The following NTF3 variants were observed in gnomAD, a reference collection of about 807,000 sequenced individuals.
The protein encoded by NTF3 is neurotrophin 3.
Under a neutral mutation model 26.3 loss-of-function variants are expected in NTF3, and 8 were observed. The observed-to-expected ratio is 0.30, with a 90% CI of 0.18 to 0.55. The LOEUF (loss-of-function observed/expected upper bound fraction) is 0.55. NTF3 is among the 20% of genes least tolerant of loss of function. NTF3 has a pLI of 0.93. For synonymous variants in NTF3, 154 were observed against 145.5 expected (o/e 1.06, Z -0.42); for missense variants, 276 against 352.9 (o/e 0.78, Z 1.75).
intron 1 of NTF3, among the ~76,000 whole-genome samples, chr12:5,453,745 T>G (rs1196685802): frequency 6.6e-6 from 1 of 152,156 alleles, no homozygotes; most frequent in East Asian, 1.9e-4. Context: ...CCATCTGTCG[T>G]GAAGGTCTCC....
chr12:5,439,037 A>G (rs958057642), intron 1 of NTF3, among the ~76,000 whole-genome samples: 36 of 152,210 alleles, frequency 2.4e-4, no homozygotes, highest in Admixed American at 1.1e-3. Context: ...TTGGCCAAGA[A>G]TGCTCTAAAC....
chr12:5,494,166 G>A lies in NTF3; in HGVS notation c.19-28G>A. 1 of 1,601,970 alleles carries A rather than the reference G, an allele frequency of 6.2e-7. No homozygotes were observed. The highest frequency in any genetic ancestry group is 8.5e-7 in the Non-Finnish European group (1 of 1,175,774). ...AACACAGACTCAGCTGCCAGAGCCT[G>A]CTCTTAACACCTGTGTTTCCTTTTC... On this transcript the variant is annotated intron_variant, in intron 1 of 1. Coordinates refer to ENST00000423158, the MANE Select transcript of NTF3 (RefSeq NM_001102654.2). This position sits in a 1 kb window ranked among gnomAD's most constrained non-coding sequence, Gnocchi z 8.3.
chr12:5,452,804 C>T (rs750544986), intron 1 of NTF3, among the ~76,000 whole-genome samples: 6 of 152,192 alleles, frequency 3.9e-5, no homozygotes, highest in South Asian at 2.1e-4. Context: ...CTCCCCTTTG[C>T]TTCATTAGCT....
intron 1 of NTF3, among the ~76,000 whole-genome samples, chr12:5,467,871 G>A (rs947333005): frequency 1.3e-5 from 2 of 152,080 alleles, no homozygotes; most frequent in Non-Finnish European, 2.9e-5. Context: ...CGTCTCCCCT[G>A]GATTTATCGT....
chr12:5,432,431 G>A, intron 1 of NTF3, 89 bp downstream of exon 1: 1 of 1,457,740 alleles, frequency 6.9e-7, no homozygotes, highest in Non-Finnish European at 9.5e-7. Context: ...TGGTGCGGGG[G>A]GCCCCAGATC....
chr12:5,437,693 G>C (rs568625343), intron 1 of NTF3, among the ~76,000 whole-genome samples: 1 of 152,308 alleles, frequency 6.6e-6, no homozygotes, highest in East Asian at 1.9e-4. Context: ...TGGCGTTGGG[G>C]ATGTTGAACT....
chr12:5,447,500 G>A (rs911453934), intron 1 of NTF3, among the ~76,000 whole-genome samples: 5 of 152,174 alleles, frequency 3.3e-5, no homozygotes, highest in Admixed American at 3.3e-4. Flanking sequence ...CTTTAAGCAA[G>A]AGGAACCAAG....
At chr12:5,449,030 A>C (rs1433891863) in intron 1 of NTF3, among the ~76,000 whole-genome samples, 1 of 152,230 alleles carries the variant, frequency 6.6e-6, no homozygotes, top group African/African-American at 2.4e-5. Flanking sequence ...GTAGGGAAAT[A>C]AGACAACCCC....
At chr12:5,448,850 G>A (rs1324261803) in intron 1 of NTF3, among the ~76,000 whole-genome samples, 1 of 152,200 alleles carries the variant, frequency 6.6e-6, no homozygotes, top group Non-Finnish European at 1.5e-5. Flanking sequence ...TTTATCTAAT[G>A]TGAAAAATGA....
rs1427264930 is a variant in NTF3, at chr12:5,456,024, G to A, written c.18+23682G>A. On this transcript the variant is annotated intron_variant, in intron 1 of 1. Coordinates refer to ENST00000423158, the MANE Select transcript of NTF3 (RefSeq NM_001102654.2). This position sits in a 1 kb window ranked among gnomAD's most constrained non-coding sequence, Gnocchi z 4.4. ...TAGAGAAAAAGGAGGGCATGTTTGG[G>A]GCAGGAGAGGCAAATGTTTGCTTAT... Among the ~76,000 whole-genome samples, 2 of 152,158 alleles carry A rather than the reference G, an allele frequency of 1.3e-5. No individual in the cohort carries two copies. The highest frequency in any genetic ancestry group is 1.5e-5 in the Non-Finnish European group (1 of 68,018).
chr12:5,460,505 A>G (rs562864552), intron 1 of NTF3, among the ~76,000 whole-genome samples: 97 of 152,322 alleles, frequency 6.4e-4, no homozygotes, highest in African/African-American at 2.2e-3. Context: ...AGTTTCTTCC[A>G]TGGAAACTTT....
intron 1 of NTF3, among the ~76,000 whole-genome samples, chr12:5,448,891 T>A (rs1940337678): frequency 6.6e-6 from 1 of 152,134 alleles, no homozygotes; most frequent in African/African-American, 2.4e-5. Context: ...GGGCATAAAC[T>A]CTGTTTCTAA....
intron 1 of NTF3, among the ~76,000 whole-genome samples, chr12:5,483,883 G>A (rs948454834): frequency 6.6e-6 from 1 of 152,216 alleles, no homozygotes; most frequent in Non-Finnish European, 1.5e-5. Flanking sequence ...CTGATTCCTG[G>A]TGTCCATGAG....
rs1940992530 is a variant in NTF3 at position 5,495,104 on chromosome 12, C to T, written c.*116C>T. 1 of 1,134,974 alleles carries T rather than the reference C, an allele frequency of 8.8e-7. No homozygotes were observed. The highest frequency in any genetic ancestry group is 1.6e-5 in the African/African-American group (1 of 63,898). The allele number at this position is 1,134,974 out of a possible 1,614,324, so 70.3% of individuals were successfully genotyped here. A position where few individuals can be genotyped will look rare whatever the true frequency, so the allele number is the denominator to read the frequency against. On this transcript the variant is annotated 3_prime_UTR_variant, in exon 2 of 2. Coordinates refer to ENST00000423158, the MANE Select transcript of NTF3 (RefSeq NM_001102654.2). ...AAGTTGACCTTTATTTATTAAACTT[C>T]AGCAACCCTACAGTATATAAGCTTT...
At chr12:5,476,127 A>C (rs1004919157) in intron 1 of NTF3, among the ~76,000 whole-genome samples, 3 of 152,132 alleles carry the variant, frequency 2.0e-5, no homozygotes, top group African/African-American at 7.2e-5. Flanking sequence ...ACTCACAGTA[A>C]TCACACTTCC....
At chr12:5,471,853 G>A (rs1940669992) in intron 1 of NTF3, among the ~76,000 whole-genome samples, 1 of 152,068 alleles carries the variant, frequency 6.6e-6, no homozygotes, top group Non-Finnish European at 1.5e-5. Context: ...TTCTTTCTTG[G>A]TGGGTGATAA....
At chr12:5,487,494 G>A (rs1442141195) in intron 1 of NTF3, among the ~76,000 whole-genome samples, 1 of 152,178 alleles carries the variant, frequency 6.6e-6, no homozygotes, top group African/African-American at 2.4e-5. Flanking sequence ...TTCTTAGGGA[G>A]GCAAGTCAGT....
At chr12:5,432,390 G>C (rs995639683) in intron 1 of NTF3, 48 bp downstream of exon 1, 2 of 1,601,006 alleles carry the variant, frequency 1.2e-6, no homozygotes, top group African/African-American at 2.7e-5. Flanking sequence ...TGGGGATGGG[G>C]GTCCACGTGG....
intron 1 of NTF3, among the ~76,000 whole-genome samples, chr12:5,461,071 G>C (rs181102128): frequency 1.3e-5 from 2 of 152,282 alleles, no homozygotes; most frequent in East Asian, 3.9e-4. Context: ...GTGGGATTGG[G>C]GGGGAAGGTT....
Sources: allele counts gnomAD v4.1 joint callset (sites outside exome capture counted in the v4.1 genomes callset), GRCh38; gene constraint gnomAD v4.1.1; non-coding constraint Gnocchi (gnomAD v3.1); transcripts MANE v1.5; gene names NCBI Gene and HGNC (gene_info 2026-07-23, HGNC 2026-07-21).